Variants in MFN1 observed in about 807,000 individuals in gnomAD.
MFN1 encodes the protein mitofusin-1.
In MFN1, 65 loss-of-function variants were observed where a neutral mutation model predicts 92.4. That is an observed-to-expected ratio of 0.70 (90% CI 0.58 to 0.86). The LOEUF (loss-of-function observed/expected upper bound fraction) is 0.86. Among genes scored for constraint, MFN1 ranks in the 40% least tolerant of loss-of-function variants. The probability of loss-of-function intolerance (pLI) is 0.00; values close to 1 mark genes in which losing one functional copy is unlikely to be tolerated. For missense variants in MFN1, 781 were observed against 868.0 expected (o/e 0.90, Z 1.26); for synonymous variants, 297 against 300.9 (o/e 0.99, Z 0.13).
chr3:179,354,146 G>A (rs1160822717), intron 3 of MFN1, among the ~76,000 whole-genome samples: 1 of 152,192 alleles, frequency 6.6e-6, no homozygotes, highest in African/African-American at 2.4e-5. Flanking sequence ...GGAAGGAAGA[G>A]CCTCCTGGGA....
chr3:179,373,681 A>T (rs1713108806), intron 9 of MFN1, among the ~76,000 whole-genome samples: 1 of 151,858 alleles, frequency 6.6e-6, no homozygotes, highest in Non-Finnish European at 1.5e-5. Context: ...ATTTTTATTT[A>T]TTTATTTTTT....
chr3:179,381,161 G>A (rs1415724635), intron 14 of MFN1, among the ~76,000 whole-genome samples: 3 of 152,108 alleles, frequency 2.0e-5, no homozygotes, highest in Non-Finnish European at 4.4e-5. Context: ...CATGGTGATG[G>A]GCTTATTGAA....
intron 2 of MFN1, among the ~76,000 whole-genome samples, chr3:179,349,463 A>G (rs904360034): frequency 6.6e-5 from 10 of 152,092 alleles, no homozygotes; most frequent in Non-Finnish European, 1.5e-4. Context: ...AAGGAGTTTC[A>G]TAACTGTTAA....
intron 7 of MFN1, among the ~76,000 whole-genome samples, 200 bp from the exon 8 acceptor site, chr3:179,367,239 A>T (rs1712830125): frequency 6.6e-6 from 1 of 152,188 alleles, no homozygotes; most frequent in Non-Finnish European, 1.5e-5. Context: ...TTTTAAATAG[A>T]TGTTCAAAAG....
At chr3:179,371,369 CA>C (rs1713016812) in intron 9 of MFN1, among the ~76,000 whole-genome samples, 3 of 151,696 alleles carry the variant, frequency 2.0e-5, no homozygotes, top group Non-Finnish European at 4.4e-5. Flanking sequence ...AAAAAAAATC[CA>C]GATATGATAG....
At chr3:179,365,304 A>G (rs893194894) in intron 7 of MFN1, 79 bp downstream of exon 7, 2 of 807,078 alleles carry the variant, frequency 2.5e-6, no homozygotes, top group Non-Finnish European at 1.9e-6. Context: ...TATTGCTTAT[A>G]GAATAGAAAA....
At chr3:179,380,417 GT>G (rs1713420119) in intron 14 of MFN1, among the ~76,000 whole-genome samples, 2 of 103,634 alleles carry the variant, frequency 1.9e-5, no homozygotes, top group Non-Finnish European at 3.8e-5. Flanking sequence ...CATCCTCACT[GT>G]TTTCAAGGAA....
intron 16 of MFN1, among the ~76,000 whole-genome samples, chr3:179,387,344 G>A (rs910420610): frequency 1.3e-5 from 2 of 152,030 alleles, no homozygotes; most frequent in Non-Finnish European, 2.9e-5. Flanking sequence ...TCGGGAGTTC[G>A]AGAACAGCCT....
At position 179,363,183 on chromosome 3, in the gene MFN1, A is replaced by G. The variant is rs1356879161; in HGVS notation, c.536+701A>G. Reference sequence around the variant, plus strand: ...CAGTGGCGCAGTGTCAGCTTGCTGCAACCTCCCCCTCCGGGGTTCAAGCCA... The same window carrying G: ...CAGTGGCGCAGTGTCAGCTTGCTGCGACCTCCCCCTCCGGGGTTCAAGCCA... On this transcript the variant is annotated intron_variant, in intron 5 of 17. Transcript: ENST00000471841. 2.6e-5 allele frequency among the ~76,000 whole-genome samples: 4 copies of G among 152,284 alleles called. No homozygotes were observed. In the East Asian group the frequency reaches 7.7e-4, roughly 29 times the overall value.
chr3:179,350,680 T>C (rs1712110872), intron 2 of MFN1, among the ~76,000 whole-genome samples: 1 of 152,040 alleles, frequency 6.6e-6, no homozygotes, highest in Non-Finnish European at 1.5e-5. Flanking sequence ...CAAAAATAAA[T>C]GTAATGATAC....
rs141316282 is a variant in MFN1 at position 179,378,630 on chromosome 3, A to G, written c.1478A>G (p.His493Arg). The G allele has an allele frequency of 8.1e-6, 13 of 1,613,480 alleles. No individual in the cohort carries two copies. The African/African-American group carries it at 1.6e-4, about 20-fold the overall frequency. ...LLPAGIQDKL[H>R]TLIPCKKFDL... Reference sequence around the variant, plus strand: ...CCAGCTGGTATACAGGATAAACTACATACACTGATCCCTTGCAAGAAATTT... The same window carrying G: ...CCAGCTGGTATACAGGATAAACTACGTACACTGATCCCTTGCAAGAAATTT... Residue 493 changes from histidine to arginine, a missense_variant, in exon 14 of 18, where the codon CAT (histidine) becomes CGT (arginine). By Grantham distance (29) the His-to-Arg change is conservative (BLOSUM62 0). Transcript: ENST00000471841.
chr3:179,356,263 G>A (rs749255975), intron 3 of MFN1, among the ~76,000 whole-genome samples: 2 of 152,204 alleles, frequency 1.3e-5, no homozygotes, highest in Non-Finnish European at 2.9e-5. Flanking sequence ...TCCAGGAAGG[G>A]TGGGGGAGGA....
At chr3:179,359,464 G>A (rs1197393966) in intron 4 of MFN1, among the ~76,000 whole-genome samples, 6 of 127,114 alleles carry the variant, frequency 4.7e-5, no homozygotes, top group South Asian at 2.7e-4. Flanking sequence ...TCTGTCACCC[G>A]GGCTAGAGTA....
At position 179,362,380 on chromosome 3, in the gene MFN1, C is replaced by G; in HGVS notation, c.434C>G (p.Ala145Gly). The stretch of plus-strand genomic sequence containing the variant: ...TAGACAGTTAATCAACTGGCCCATG[C>G]CCTTCACATGGACAAAGATTTGAAA... ...SVKTVNQLAHALHMDKDLKAG... is the reference protein window; with the variant it reads ...SVKTVNQLAHGLHMDKDLKAG... The change falls in exon 5 of 18, where the codon GCC becomes GGC. Residue 145 changes from alanine (A) to glycine (G), a missense_variant. Ala to Gly is a moderately conservative substitution (Grantham distance 60). Transcript: ENST00000471841. 3 of 1,611,834 alleles carry G rather than the reference C, an allele frequency of 1.9e-6. No homozygotes were observed. The highest frequency in any genetic ancestry group is 2.5e-6 in the Non-Finnish European group (3 of 1,179,500).
chr3:179,351,016 G>A (rs905823245), intron 2 of MFN1, among the ~76,000 whole-genome samples: 8 of 152,098 alleles, frequency 5.3e-5, no homozygotes, highest in African/African-American at 1.9e-4. Context: ...TATTGTTCAG[G>A]CTGGTCATGA....
rs560382945 is a variant in MFN1 at position 179,392,377 on chromosome 3, C to G, written c.*318C>G. ...TTTTTGATTCTGAAAAACTCTGCTT[C>G]CTGGCATCCAGGAGTTAGAGATTGA... is the stretch of plus-strand genomic sequence containing the variant. On this transcript the variant is annotated 3_prime_UTR_variant, in exon 18 of 18. Coordinates refer to ENST00000471841, the MANE Select transcript of MFN1 (RefSeq NM_033540.3). 1 of 191,988 alleles carries G rather than the reference C, an allele frequency of 5.2e-6. No homozygotes were observed. Among genetic ancestry groups the G allele is most frequent in the Non-Finnish European group, 1.1e-5 (1 of 94,876 alleles). 11.9% of individuals were successfully genotyped at this position (191,988 alleles called of 1,614,324 possible).
intron 3 of MFN1, among the ~76,000 whole-genome samples, chr3:179,356,759 T>C (rs1238547081): frequency 1.3e-5 from 2 of 152,186 alleles, no homozygotes; most frequent in Non-Finnish European, 2.9e-5. Context: ...ACTTGAGGAA[T>C]CTGCATCATT....
chr3:179,358,779 G>C (rs914140405), intron 3 of MFN1, 61 bp from the exon 4 acceptor site: 10 of 1,528,880 alleles, frequency 6.5e-6, no homozygotes, highest in Non-Finnish European at 8.8e-6. Context: ...ATTAGACCCA[G>C]TGAAAGAACT....
At chr3:179,384,774 ATCC>A (rs1713606455) in intron 14 of MFN1, among the ~76,000 whole-genome samples, 1 of 152,122 alleles carries the variant, frequency 6.6e-6, no homozygotes, top group Non-Finnish European at 1.5e-5. Context: ...GTCTCAAGCT[ATCC>A]TCCTGCCATG....
Sources: allele counts gnomAD v4.1 joint callset (sites outside exome capture counted in the v4.1 genomes callset), GRCh38; gene constraint gnomAD v4.1.1; transcripts MANE v1.5; gene names NCBI Gene and HGNC (gene_info 2026-07-23, HGNC 2026-07-21).